Variants in EPHA6 observed in about 807,000 individuals in gnomAD.
EPHA6 encodes ephrin type-A receptor 6.
In EPHA6, 50 loss-of-function variants were observed where a neutral mutation model predicts 112.0. The observed-to-expected ratio is 0.45, with a 90% CI of 0.36 to 0.56. EPHA6 has a LOEUF of 0.56. Ranked by LOEUF, EPHA6 falls within the 20% of genes least tolerant of loss-of-function variation. EPHA6 has a pLI of 0.00. For synonymous variants in EPHA6, 529 were observed against 490.7 expected, an observed-to-expected ratio of 1.08 and a Z score of -1.03; for missense variants, 1,280 against 1,417.4, an observed-to-expected ratio of 0.90 and a Z score of 1.56.
intron 3 of EPHA6, among the ~76,000 whole-genome samples, chr3:97,156,545 A>T (rs1184321067): frequency 1.3e-5 from 2 of 152,174 alleles, no homozygotes; most frequent in African/African-American, 4.8e-5. Context: ...ATGAAAAAAA[A>T]TTAATAAAAT....
At chr3:97,160,828 G>T (rs2076397043) in intron 3 of EPHA6, among the ~76,000 whole-genome samples, 1 of 152,140 alleles carries the variant, frequency 6.6e-6, no homozygotes, top group African/African-American at 2.4e-5. Context: ...AGTGTTTCAG[G>T]GCTGTTTCAG....
intron 6 of EPHA6, among the ~76,000 whole-genome samples, chr3:97,418,434 G>C (rs62262770): frequency 0.054 from 8,195 of 152,086 alleles, 266 homozygotes; most frequent in Admixed American, 0.072. Flanking sequence ...AAAGGGGATA[G>C]AGAAAGGGGA....
chr3:97,726,366 A>G (rs1357547324), intron 15 of EPHA6, among the ~76,000 whole-genome samples: 2 of 152,160 alleles, frequency 1.3e-5, no homozygotes, highest in African/African-American at 2.4e-5. Flanking sequence ...ATGCTCCTCT[A>G]TCACAAGAGT....
chr3:97,071,840 T>C (rs1418852042), intron 3 of EPHA6, among the ~76,000 whole-genome samples: 1 of 152,070 alleles, frequency 6.6e-6, no homozygotes, highest in Non-Finnish European at 1.5e-5. Flanking sequence ...CTATACCCTG[T>C]ACCCAATTTT....
chr3:96,961,154 C>T (rs1424032910), intron 2 of EPHA6, among the ~76,000 whole-genome samples: 1 of 152,208 alleles, frequency 6.6e-6, no homozygotes, highest in South Asian at 2.1e-4. Flanking sequence ...TGAGGTAAGG[C>T]CTCTGAATGC....
In EPHA6 at chr3:97,610,767, A is replaced by G. The variant is rs1389334248; in HGVS notation, c.2513-26A>G. ...CATATTTCTGTAATTGCTCTAATCC[A>G]TGTGTATTCTCTTGCTCTTTTGCAG... On this transcript the variant is annotated intron_variant, in intron 12 of 17. Transcript: ENST00000389672. 6 of 1,592,548 alleles carry G rather than the reference A, an allele frequency of 3.8e-6. No individual in the cohort carries two copies. In the South Asian group the frequency reaches 4.4e-5, roughly 12 times the overall value.
At position 96,975,318 on chromosome 3, in the gene EPHA6, C is replaced by G. The variant is rs929246730; in HGVS notation, c.451-12012C>G. Among the ~76,000 whole-genome samples the G allele has an allele frequency of 1.4e-4, 22 of 152,172 alleles. 1 individual carries two copies. The highest frequency in any genetic ancestry group is 1.1e-3 in the Admixed American group (17 of 15,270). ...TTTGCTATATCTAATAATTGGCTAG[C>G]AATGAGAAGTGCAGTTTCTCCACCC... On this transcript the variant is annotated intron_variant, in intron 2 of 17. Transcript: ENST00000389672.
intron 5 of EPHA6, among the ~76,000 whole-genome samples, chr3:97,373,467 C>T (rs2085180481): frequency 6.6e-6 from 1 of 151,982 alleles, no homozygotes; most frequent in Non-Finnish European, 1.5e-5. Flanking sequence ...TGATTACATT[C>T]AATTCTTTGC....
At chr3:97,414,073 T>G (rs955282142) in intron 6 of EPHA6, among the ~76,000 whole-genome samples, 2 of 152,058 alleles carry the variant, frequency 1.3e-5, no homozygotes, top group African/African-American at 2.4e-5. Flanking sequence ...TTTACTTTTT[T>G]GCTTCTGATA....
At chr3:97,003,843 G>A (rs1452820791) in intron 3 of EPHA6, among the ~76,000 whole-genome samples, 6 of 122,866 alleles carry the variant, frequency 4.9e-5, no homozygotes, top group Middle Eastern at 5.1e-3. Flanking sequence ...CTGTGTCCAC[G>A]TGTTCTTAAT....
chr3:97,382,753 A>G (rs1181141054), intron 5 of EPHA6, among the ~76,000 whole-genome samples: 3 of 152,062 alleles, frequency 2.0e-5, no homozygotes, highest in African/African-American at 7.2e-5. Context: ...TGTTGAAAAC[A>G]AAGGGAAACA....
intron 6 of EPHA6, among the ~76,000 whole-genome samples, chr3:97,446,415 G>A (rs1293386062): frequency 6.6e-6 from 1 of 152,096 alleles, no homozygotes; most frequent in Non-Finnish European, 1.5e-5. Context: ...CCTGCAAAAG[G>A]TGTCCTTTAT....
At chr3:96,877,258 A>G (rs1236940917) in intron 2 of EPHA6, among the ~76,000 whole-genome samples, 1 of 152,078 alleles carries the variant, frequency 6.6e-6, no homozygotes, top group African/African-American at 2.4e-5. Flanking sequence ...TACAGGTAGA[A>G]AGTGTATACA....
chr3:97,453,686 A>C (rs2090594528), intron 7 of EPHA6, among the ~76,000 whole-genome samples: 1 of 151,736 alleles, frequency 6.6e-6, no homozygotes, highest in Non-Finnish European at 1.5e-5. Context: ...ATGTAGATAC[A>C]AATGAATAAA....
intron 12 of EPHA6, among the ~76,000 whole-genome samples, chr3:97,596,132 A>G (rs1045788662): frequency 6.6e-6 from 1 of 151,416 alleles, no homozygotes; most frequent in Non-Finnish European, 1.5e-5. Context: ...GTCTCGATCT[A>G]CTGACCTCAT....
At chr3:97,412,878 G>A (rs1018152946) in intron 6 of EPHA6, among the ~76,000 whole-genome samples, 1 of 151,904 alleles carries the variant, frequency 6.6e-6, no homozygotes, top group African/African-American at 2.4e-5. Context: ...TATACTTGGG[G>A]AGTCCAGAGG....
intron 4 of EPHA6, among the ~76,000 whole-genome samples, chr3:97,226,648 T>C (rs934822736): frequency 4.6e-5 from 7 of 152,232 alleles, no homozygotes; most frequent in African/African-American, 1.7e-4. Context: ...GATGTACAAA[T>C]GCCAGCACTG....
intron 6 of EPHA6, among the ~76,000 whole-genome samples, chr3:97,424,480 G>A (rs2088936063): frequency 1.3e-5 from 2 of 152,056 alleles, no homozygotes; most frequent in African/African-American, 4.8e-5. Flanking sequence ...GACAAGGCAA[G>A]TCCCTTCTGC....
At chr3:96,981,065 T>C (rs999345071) in intron 2 of EPHA6, among the ~76,000 whole-genome samples, 2 of 152,200 alleles carry the variant, frequency 1.3e-5, no homozygotes, top group African/African-American at 4.8e-5. Flanking sequence ...CTAATTGCCC[T>C]GGCCAGAACT....
Sources: allele counts gnomAD v4.1 joint callset (sites outside exome capture counted in the v4.1 genomes callset), GRCh38; gene constraint gnomAD v4.1.1; transcripts MANE v1.5; gene names NCBI Gene and HGNC (gene_info 2026-07-23, HGNC 2026-07-21).